Variants in FREM2 observed in about 807,000 individuals in gnomAD.
FREM2 encodes FRAS1 related extracellular matrix 2.
A neutral mutation model predicts 219.9 loss-of-function variants in FREM2; 119 were observed. The observed-to-expected ratio is 0.54, with a 90% confidence interval of 0.47 to 0.63. The LOEUF (loss-of-function observed/expected upper bound fraction) is 0.63. FREM2 is among the 30% of genes least tolerant of loss of function. The pLI is 0.00. For synonymous variants in FREM2, 1,562 were observed against 1,522.8 expected (o/e 1.03, Z -0.60); for missense variants, 4,030 against 3,993.6 (o/e 1.01, Z -0.25).
rs2137829564 is a variant in FREM2 at position 38,783,072 on chromosome 13, C to T, written c.5644C>T (p.Pro1882Ser). Residue 1882 changes from proline to serine, a missense_variant and splice_region_variant, in exon 5 of 24, where the codon CCA becomes TCA. This residue lies in a region of FREM2 where 3,102 missense variants were observed against 2,950.7 expected (regional missense o/e 1.05). Transcript: ENST00000280481. ...TTGCAATTGTGTTTTCTCTCTAGAGCCAACTGTGTTTATTCCCCAGTCCAA... is the reference window on the plus strand; with the variant it reads ...TTGCAATTGTGTTTTCTCTCTAGAGTCAACTGTGTTTATTCCCCAGTCCAA... The part of the protein sequence containing the change: ...TVEIVDPGDE[P>S]TVFIPQSKYS... 1.9e-6 allele frequency: 3 copies of T among 1,613,478 alleles called. No homozygotes were observed. The highest frequency in any genetic ancestry group is 2.5e-6 in the Non-Finnish European group (3 of 1,179,886).
At position 38,689,401 on chromosome 13, in the gene FREM2, T is replaced by C. The variant is rs747340073; in HGVS notation, c.2057T>C (p.Leu686Pro). ...DNHDPPNQSGLQRFVIRIHPV... is the reference protein window; with the variant it reads ...DNHDPPNQSGPQRFVIRIHPV... Reference sequence around the variant, plus strand: ...CATGACCCTCCTAATCAGTCCGGGCTACAGCGGTTTGTGATTCGTATCCAT... The same window carrying C: ...CATGACCCTCCTAATCAGTCCGGGCCACAGCGGTTTGTGATTCGTATCCAT... Residue 686 changes from leucine to proline, a missense_variant, in exon 1 of 24, where the codon CTA (leucine) becomes CCA (proline). Transcript: ENST00000280481. The C allele has an allele frequency of 6.0e-5, 97 of 1,613,932 alleles. No individual in the cohort carries two copies. The South Asian group carries it at 9.7e-4, about 16-fold the overall frequency.
At chr13:38,754,949 C>T in intron 2 of FREM2, among the ~76,000 whole-genome samples, 1 of 149,292 alleles carries the variant, frequency 6.7e-6, no homozygotes, top group East Asian at 2.0e-4. Flanking sequence ...GTCACCCAGG[C>T]TGGAGTGCAG....
At chr13:38,871,864 C>T (rs191570502) in intron 16 of FREM2, among the ~76,000 whole-genome samples, 6 of 152,120 alleles carry the variant, frequency 3.9e-5, no homozygotes, top group Admixed American at 3.9e-4. Flanking sequence ...TGCTAAACAC[C>T]AGAAGGAGGA....
intron 2 of FREM2, among the ~76,000 whole-genome samples, chr13:38,713,906 A>G (rs950921704): frequency 6.6e-6 from 1 of 152,238 alleles, no homozygotes; most frequent in Non-Finnish European, 1.5e-5. Context: ...TGCTACTGAT[A>G]TCTAGTGGGT....
chr13:38,800,756 T>C (rs1222363778), intron 6 of FREM2, among the ~76,000 whole-genome samples: 2 of 152,074 alleles, frequency 1.3e-5, no homozygotes, highest in African/African-American at 4.8e-5. Context: ...CAGCCTCCCA[T>C]GTAGCTGGGA....
chr13:38,837,765 GT>G (rs151057502), intron 6 of FREM2, among the ~76,000 whole-genome samples: 1 of 140,534 alleles, frequency 7.1e-6, no homozygotes, highest in African/African-American at 2.6e-5. Flanking sequence ...GCAACCCCTG[GT>G]TTTTTTTTGT....
intron 6 of FREM2, among the ~76,000 whole-genome samples, chr13:38,843,263 A>G (rs1218490783): frequency 6.7e-6 from 1 of 148,582 alleles, no homozygotes; most frequent in African/African-American, 2.5e-5. Context: ...TGTTTTATCC[A>G]TTAAGTCTGT....
At chr13:38,856,389 T>A in intron 12 of FREM2, 133 bp downstream of exon 12, 1 of 768,566 alleles carries the variant, frequency 1.3e-6, no homozygotes, top group South Asian at 1.4e-5. Context: ...ATGCATAATC[T>A]CTTTTTACCA....
intron 2 of FREM2, among the ~76,000 whole-genome samples, chr13:38,762,412 G>A (rs187382099): frequency 1.9e-3 from 290 of 151,396 alleles, no homozygotes; most frequent in Non-Finnish European, 3.1e-3. Flanking sequence ...CTTGTTAAAC[G>A]GACAAACTGA....
chr13:38,696,936 T>C (rs1398882092), intron 1 of FREM2, among the ~76,000 whole-genome samples: 2 of 151,576 alleles, frequency 1.3e-5, no homozygotes, highest in African/African-American at 2.4e-5. Flanking sequence ...GCCTCCCGAA[T>C]AGCTGGGATT....
Position 38,876,288 on chromosome 13 carries a change from C to CA in FREM2, c.8451dup (p.Cys2818MetfsTer24), listed in dbSNP as rs1171150612. On this transcript the variant is annotated frameshift_variant, in exon 20 of 24. Transcript: ENST00000280481. LOFTEE classifies it high-confidence loss of function. ...GGGACCTATACTGTGAAGCTGGTGC[C>CA]ATGCACTGCCCCATCACATCAGGAA... The CA allele has an allele frequency of 6.2e-7, 1 of 1,613,864 alleles. No individual in the cohort carries two copies. Among genetic ancestry groups the CA allele is most frequent in the African/African-American group, 1.3e-5 (1 of 74,896 alleles).
At chr13:38,853,946 T>A (rs1877467676) in intron 11 of FREM2, among the ~76,000 whole-genome samples, 1 of 152,074 alleles carries the variant, frequency 6.6e-6, no homozygotes, top group Non-Finnish European at 1.5e-5. Flanking sequence ...TGTAGTAAAC[T>A]GAAAAATAAA....
chr13:38,713,778 C>T lies in FREM2; in HGVS notation c.5263+15991C>T, dbSNP rs548149095. Among the ~76,000 whole-genome samples, 6 of 152,312 alleles carry T rather than the reference C, an allele frequency of 3.9e-5. No individual in the cohort carries two copies. The South Asian group carries it at 1.2e-3, about 32-fold the overall frequency. On this transcript the variant is annotated intron_variant, in intron 2 of 23. Coordinates refer to ENST00000280481, the MANE Select transcript of FREM2 (RefSeq NM_207361.6). ...TGAAACCTTGTTGTATTTCTTCATC[C>T]CAAAGTAAGCTCTATCTTTTCTGTA...
intron 6 of FREM2, among the ~76,000 whole-genome samples, chr13:38,790,364 AT>A (rs967715113): frequency 3.3e-5 from 5 of 150,122 alleles, no homozygotes; most frequent in African/African-American, 1.2e-4. Context: ...CTAGTACTCT[AT>A]TTTTTTTTCA....
chr13:38,842,220 AG>A (rs1309425401), intron 6 of FREM2, among the ~76,000 whole-genome samples: 1 of 152,250 alleles, frequency 6.6e-6, no homozygotes, highest in East Asian at 1.9e-4. Flanking sequence ...AACCATGTTA[AG>A]TAGCTTGTGA....
At chr13:38,833,931 G>T (rs758048236) in intron 6 of FREM2, among the ~76,000 whole-genome samples, 3 of 152,048 alleles carry the variant, frequency 2.0e-5, no homozygotes, top group Non-Finnish European at 4.4e-5. Context: ...TGTTTATTTT[G>T]TTTTGAGCAC....
chr13:38,850,011 G>A, intron 8 of FREM2, 27 bp from the exon 9 acceptor site: 2 of 1,594,928 alleles, frequency 1.3e-6, no homozygotes, highest in Non-Finnish European at 1.7e-6. Flanking sequence ...GGAAATTTCT[G>A]TTCACTTTAA....
intron 6 of FREM2, among the ~76,000 whole-genome samples, chr13:38,805,819 G>A (rs974612861): frequency 6.6e-6 from 1 of 151,550 alleles, no homozygotes; most frequent in Non-Finnish European, 1.5e-5. Context: ...GAAAATGTGC[G>A]GTATTAAGTA....
chr13:38,781,196 C>T (rs539782221), intron 4 of FREM2, among the ~76,000 whole-genome samples: 23 of 151,988 alleles, frequency 1.5e-4, no homozygotes, highest in Admixed American at 7.2e-4. Flanking sequence ...CCTGGCTATT[C>T]CTTGTACACA....
Sources: allele counts gnomAD v4.1 joint callset (sites outside exome capture counted in the v4.1 genomes callset), GRCh38; gene constraint gnomAD v4.1.1; regional missense constraint gnomAD v4.1.1; transcripts MANE v1.5; gene names NCBI Gene and HGNC (gene_info 2026-07-23, HGNC 2026-07-21).